PCDHA10: variants seen among roughly 807,000 people sequenced by gnomAD.
PCDHA10 encodes the protein protocadherin alpha-10.
Under a neutral mutation model 61.2 loss-of-function variants are expected in PCDHA10, and 45 were observed. That is an observed-to-expected ratio of 0.74 (90% CI 0.58 to 0.94). The LOEUF is 0.94. Among genes scored for constraint, PCDHA10 ranks in the 40% least tolerant of loss-of-function variants. The pLI is 0.00. For missense variants in PCDHA10, 1,278 were observed against 1,236.2 expected (o/e 1.03, Z -0.51); for synonymous variants, 602 against 548.8 (o/e 1.10, Z -1.35).
At chr5:140,860,165 GT>G (rs1478173649) in intron 1 of PCDHA10, 2 of 147,750 alleles carry the variant, frequency 1.4e-5, no homozygotes, top group Non-Finnish European at 3.0e-5. Flanking sequence ...ATATATATAT[GT>G]ATATATATAT....
chr5:140,961,336 G>C (rs2095605046), intron 1 of PCDHA10, among the ~76,000 whole-genome samples: 1 of 152,178 alleles, frequency 6.6e-6, no homozygotes, highest in African/African-American at 2.4e-5. Context: ...GAGAGACCAA[G>C]AGTGGATCCC....
Position 140,856,457 on chromosome 5 carries a change from C to T in PCDHA10, c.409C>T (p.Gln137Ter), listed in dbSNP as rs1383276232. Residue 137 changes from glutamine to a stop codon, truncating the protein, a stop_gained, in exon 1 of 4, where the codon CAA (glutamine) becomes TAA (stop). Coordinates refer to ENST00000307360, the MANE Select transcript of PCDHA10 (RefSeq NM_018901.4). LOFTEE classifies it high-confidence loss of function. ...DNPPRFSVTE[Q>*]KLSIPESRLL... ...CCCGCCCAGGTTCTCCGTAACAGAACAAAAGCTCTCAATACCTGAATCCAG... is the reference window on the plus strand; with the variant it reads ...CCCGCCCAGGTTCTCCGTAACAGAATAAAAGCTCTCAATACCTGAATCCAG... 12 of 1,598,330 alleles carry T rather than the reference C, an allele frequency of 7.5e-6. 1 individual carries two copies. The highest frequency in any genetic ancestry group is 1.0e-5 in the Non-Finnish European group (12 of 1,167,902).
At chr5:140,995,577 A>G (rs892793952) in intron 3 of PCDHA10, among the ~76,000 whole-genome samples, 7 of 152,242 alleles carry the variant, frequency 4.6e-5, no homozygotes, top group Non-Finnish European at 1.0e-4. Flanking sequence ...AAGATGAGCT[A>G]TGAGCTTTTA....
chr5:140,916,706 G>A (rs1179319029), intron 1 of PCDHA10, among the ~76,000 whole-genome samples: 1 of 152,200 alleles, frequency 6.6e-6, no homozygotes, highest in Admixed American at 6.5e-5. Flanking sequence ...TCCTTAAGCA[G>A]AAGGAAGGAG....
chr5:140,866,610 G>A (rs1177328697), intron 1 of PCDHA10: 2 of 152,124 alleles, frequency 1.3e-5, no homozygotes, highest in Admixed American at 1.3e-4. Context: ...TGGTTTTGGA[G>A]AACCTCCTGG....
At chr5:140,880,493 T>C (rs910431574) in intron 1 of PCDHA10, among the ~76,000 whole-genome samples, 31 of 152,204 alleles carry the variant, frequency 2.0e-4, no homozygotes, top group African/African-American at 7.2e-4. Context: ...AAGAGAGCAA[T>C]TGAATTTCTG....
chr5:140,950,536 T>A (rs182006309), intron 1 of PCDHA10, among the ~76,000 whole-genome samples: 1 of 152,222 alleles, frequency 6.6e-6, no homozygotes, highest in East Asian at 1.9e-4. Flanking sequence ...TTTTTGTTGC[T>A]CTTGCATGGC....
chr5:140,861,533 C>T (rs890249596), intron 1 of PCDHA10: 6 of 446,700 alleles, frequency 1.3e-5, no homozygotes, highest in South Asian at 7.2e-5. Context: ...TCTCGGAGTG[C>T]AGCATCCACC....
intron 1 of PCDHA10, among the ~76,000 whole-genome samples, chr5:140,973,570 T>C (rs1211629419): frequency 6.6e-6 from 1 of 152,232 alleles, no homozygotes; most frequent in Non-Finnish European, 1.5e-5. Flanking sequence ...CCTCAATTTT[T>C]CTACAGACTG....
chr5:140,862,637 TCA>T (rs1396343286), intron 1 of PCDHA10: 1 of 539,612 alleles, frequency 1.9e-6, no homozygotes, highest in Admixed American at 1.9e-5. Flanking sequence ...TGCCACGACT[TCA>T]CAGTGTCCGC....
At chr5:140,907,170 TG>T (rs1318866379) in intron 1 of PCDHA10, among the ~76,000 whole-genome samples, 1 of 152,188 alleles carries the variant, frequency 6.6e-6, no homozygotes. Flanking sequence ...TATTGGATGC[TG>T]ATTCAGAGCA....
At chr5:140,990,367 A>G (rs1162635749) in intron 3 of PCDHA10, among the ~76,000 whole-genome samples, 1 of 152,104 alleles carries the variant, frequency 6.6e-6, no homozygotes, top group Non-Finnish European at 1.5e-5. Context: ...AATCTAATAA[A>G]GCAAATTTGT....
At chr5:140,991,984 C>T (rs1393451773) in intron 3 of PCDHA10, among the ~76,000 whole-genome samples, 1 of 151,632 alleles carries the variant, frequency 6.6e-6, no homozygotes, top group Non-Finnish European at 1.5e-5. Context: ...TTCTGCCTAC[C>T]ACCCGGTCTT....
chr5:141,001,842 A>G (rs574186951), intron 3 of PCDHA10, among the ~76,000 whole-genome samples: 108 of 152,288 alleles, frequency 7.1e-4, no homozygotes, highest in Non-Finnish European at 1.3e-3. Context: ...GGAGACAGAG[A>G]GAGAGGTTGA....
chr5:140,910,546 A>G (rs2075078968), intron 1 of PCDHA10, among the ~76,000 whole-genome samples: 1 of 152,198 alleles, frequency 6.6e-6, no homozygotes, highest in Non-Finnish European at 1.5e-5. Context: ...CTATTTTGCA[A>G]AGTATTAGTC....
chr5:140,970,018 C>G (rs1383957568), intron 1 of PCDHA10, among the ~76,000 whole-genome samples: 9 of 151,942 alleles, frequency 5.9e-5, no homozygotes, highest in African/African-American at 2.2e-4. Context: ...GATGGTGAGG[C>G]AGAGAGATTA....
chr5:140,866,703 G>A (rs553518884), intron 1 of PCDHA10: 1 of 152,106 alleles, frequency 6.6e-6, no homozygotes, highest in East Asian at 1.9e-4. Flanking sequence ...AGTGGATGAC[G>A]TGCACTAGTA....
At chr5:140,896,572 T>C (rs1208639295) in intron 1 of PCDHA10, among the ~76,000 whole-genome samples, 5 of 152,002 alleles carry the variant, frequency 3.3e-5, no homozygotes, top group Admixed American at 3.3e-4. Context: ...AGATGGGGTT[T>C]TGACGTGTTG....
At chr5:140,952,185 T>C (rs1354216964) in intron 1 of PCDHA10, among the ~76,000 whole-genome samples, 1 of 152,010 alleles carries the variant, frequency 6.6e-6, no homozygotes, top group Non-Finnish European at 1.5e-5. Context: ...GCTGCTCTCA[T>C]GGGTTGGTGT....
Sources: gnomAD v4.1 joint callset for allele counts (sites outside exome capture counted in the v4.1 genomes callset) on GRCh38, gnomAD v4.1.1 for gene constraint, MANE v1.5 for transcripts, NCBI Gene and HGNC (gene_info 2026-07-23, HGNC 2026-07-21) for gene names.